The following ITGB3BP variants were observed in gnomAD, a reference collection of about 807,000 sequenced individuals.
The protein encoded by ITGB3BP is centromere protein R.
In ITGB3BP, 27 loss-of-function variants were observed where a neutral mutation model predicts 29.1. The ratio of observed to expected loss-of-function variants is 0.93; its 90% CI spans 0.68 to 1.28. The LOEUF is 1.28. ITGB3BP is among the 50% of genes most tolerant of loss of function. The pLI is 0.00. For missense variants in ITGB3BP, 192 were observed against 200.2 expected (o/e 0.96, Z 0.25); for synonymous variants, 61 against 61.4 (o/e 0.99, Z 0.03).
intron 4 of ITGB3BP, among the ~76,000 whole-genome samples, chr1:63,471,456 T>C (rs568388869): frequency 2.0e-4 from 31 of 152,066 alleles, no homozygotes; most frequent in Non-Finnish European, 4.0e-4. Flanking sequence ...TTTCATTGTG[T>C]TAGCCAGGAT....
intron 1 of ITGB3BP, among the ~76,000 whole-genome samples, chr1:63,512,946 C>G (rs1196643464): frequency 6.6e-6 from 1 of 152,090 alleles, no homozygotes; most frequent in South Asian, 2.1e-4. Context: ...AGACTGCAGG[C>G]CATTTTTATT....
chr1:63,503,041 T>G (rs1036074491), intron 2 of ITGB3BP, among the ~76,000 whole-genome samples: 13 of 152,250 alleles, frequency 8.5e-5, no homozygotes, highest in African/African-American at 1.7e-4. Flanking sequence ...GTAATGGGAT[T>G]GCTGGGTCAA....
At chr1:63,518,943 T>C (rs1205328960) in intron 1 of ITGB3BP, among the ~76,000 whole-genome samples, 6 of 152,184 alleles carry the variant, frequency 3.9e-5, no homozygotes, top group African/African-American at 1.4e-4. Context: ...TCTAGAGTTA[T>C]AATAATACAG....
chr1:63,479,346 CAA>C (rs1375064199), intron 3 of ITGB3BP, among the ~76,000 whole-genome samples: 2 of 152,040 alleles, frequency 1.3e-5, no homozygotes, highest in East Asian at 1.9e-4. Flanking sequence ...TAAACTGACA[CAA>C]TATTTACAGT....
intron 1 of ITGB3BP, 85 bp from the exon 2 acceptor site, chr1:63,508,655 A>T (rs1349290513): frequency 3.3e-6 from 2 of 606,856 alleles, no homozygotes; most frequent in African/African-American, 3.8e-5. Context: ...TATATAAACA[A>T]AGATTCTTAG....
upstream of ITGB3BP, chr1:63,523,764 A>G (rs1304445675): frequency 6.5e-6 from 1 of 153,322 alleles, no homozygotes; most frequent in Admixed American, 6.5e-5. Flanking sequence ...TAAAATGTAC[A>G]TGTAAATGCG....
At chr1:63,455,818 A>G (rs1205369233) in intron 4 of ITGB3BP, among the ~76,000 whole-genome samples, 1 of 152,138 alleles carries the variant, frequency 6.6e-6, no homozygotes, top group Admixed American at 6.6e-5. Flanking sequence ...TGTAAACCAT[A>G]TATGTAATTT....
In ITGB3BP at chr1:63,453,967, T is replaced by A. The variant is rs766671222; in HGVS notation, c.435A>T (p.Lys145Asn). The change falls in exon 7 of 9, where the codon AAA (lysine) becomes AAT (asparagine). Residue 145 changes from lysine (K) to asparagine (N), a missense_variant. Physicochemically the swap from Lys to Asn is moderately conservative, Grantham distance 94 (BLOSUM62 0). Transcript: ENST00000271002. ...TTTCAAACAGTTTTTGTTTATTCAC[T>A]TTTGTCACTAAAAGAAGTAAAAATC... ...EMQKTKELMT[K>N]VNKQKLFEKS... is the part of the protein sequence containing the mutation. 3 of 1,572,030 alleles carry A rather than the reference T, an allele frequency of 1.9e-6. No individual in the cohort carries two copies. Among genetic ancestry groups the A allele is most frequent in the Non-Finnish European group, 1.7e-6 (2 of 1,147,806 alleles).
At chr1:63,447,167 A>G (rs1265465783) in intron 7 of ITGB3BP, 6 of 312,866 alleles carry the variant, frequency 1.9e-5, no homozygotes, top group Non-Finnish European at 2.4e-5. Context: ...GCTAGATTCT[A>G]TATCCCTGAG....
At chr1:63,478,429 G>A (rs1303806530) in intron 4 of ITGB3BP, among the ~76,000 whole-genome samples, 1 of 152,172 alleles carries the variant, frequency 6.6e-6, no homozygotes, top group East Asian at 1.9e-4. Context: ...CCAGCTATTT[G>A]TTAAGACACT....
At chr1:63,461,578 A>G (rs1263917667) in intron 4 of ITGB3BP, among the ~76,000 whole-genome samples, 1 of 152,212 alleles carries the variant, frequency 6.6e-6, no homozygotes, top group Non-Finnish European at 1.5e-5. Flanking sequence ...GTTTTCCTCT[A>G]AGATAGTTAT....
intron 4 of ITGB3BP, among the ~76,000 whole-genome samples, chr1:63,462,455 T>C (rs1645032927): frequency 6.6e-6 from 1 of 152,238 alleles, no homozygotes; most frequent in Non-Finnish European, 1.5e-5. Context: ...TAAATGACTT[T>C]TATTTCTTTT....
At chr1:63,493,086 A>ACGCGCGCGCG (rs772254640) in intron 2 of ITGB3BP, among the ~76,000 whole-genome samples, 27 of 134,486 alleles carry the variant, frequency 2.0e-4, no homozygotes, top group East Asian at 1.4e-3. Flanking sequence ...ACACACACAC[A>ACGCGCGCGCG]CACGCGCGCG....
upstream of ITGB3BP, chr1:63,525,622 C>T: frequency 6.3e-7 from 1 of 1,582,182 alleles, no homozygotes; most frequent in Non-Finnish European, 8.5e-7. Flanking sequence ...CAGAAATCAA[C>T]ACCTTCAGAG....
chr1:63,460,850 T>A (rs758918325), intron 4 of ITGB3BP, among the ~76,000 whole-genome samples: 3 of 152,116 alleles, frequency 2.0e-5, no homozygotes, highest in Admixed American at 6.5e-5. Context: ...AGATGTAAGG[T>A]CTCACTGTGG....
rs1307945165 is a variant in ITGB3BP, at chr1:63,454,482, A to G, written c.334-9T>C. 6.7e-7 allele frequency: 1 copy of G among 1,488,598 alleles called. No homozygotes were observed. Among genetic ancestry groups the G allele is most frequent in the Non-Finnish European group, 9.3e-7 (1 of 1,074,678 alleles). The allele number at this position is 1,488,598 out of a possible 1,614,324, so 92.2% of individuals were successfully genotyped here. On this transcript the variant is annotated splice_polypyrimidine_tract_variant and intron_variant, in intron 5 of 8. Coordinates refer to ENST00000271002, the MANE Select transcript of ITGB3BP (RefSeq NM_014288.5). This position sits in a 1 kb window ranked among gnomAD's most constrained non-coding sequence, Gnocchi z 4.1. ...CTACTGCCCTCCAAAGCCTACAAGA[A>G]AGTCATCTTGAATGAGTTAAGTTCT...
intron 1 of ITGB3BP, 33 bp downstream of exon 1, chr1:63,523,096 C>T: frequency 6.2e-7 from 1 of 1,613,732 alleles, no homozygotes; most frequent in Non-Finnish European, 8.5e-7. Context: ...AGAGGGCCCC[C>T]AAAACAGCAA....
chr1:63,486,522 A>T (rs1645534295), intron 3 of ITGB3BP, among the ~76,000 whole-genome samples: 1 of 152,188 alleles, frequency 6.6e-6, no homozygotes, highest in East Asian at 1.9e-4. Context: ...TTATTAAGAA[A>T]ATCATAAGGA....
intron 1 of ITGB3BP, among the ~76,000 whole-genome samples, chr1:63,509,297 A>G (rs1646147808): frequency 1.3e-5 from 2 of 152,236 alleles, no homozygotes; most frequent in African/African-American, 4.8e-5. Context: ...TCTAAAGAGC[A>G]GTCATCAACA....
Sources: allele counts gnomAD v4.1 joint callset (sites outside exome capture counted in the v4.1 genomes callset), GRCh38; gene constraint gnomAD v4.1.1; non-coding constraint Gnocchi (gnomAD v3.1); transcripts MANE v1.5; gene names NCBI Gene and HGNC (gene_info 2026-07-23, HGNC 2026-07-21).